GPHN: variants seen among roughly 807,000 people sequenced by gnomAD.
GPHN encodes the protein gephyrin.
A neutral mutation model predicts 95.5 loss-of-function variants in GPHN; 17 were observed. The ratio of observed to expected loss-of-function variants is 0.18; its 90% CI spans 0.12 to 0.27. The LOEUF is 0.27. Ranked by LOEUF, GPHN falls within the 10% of genes least tolerant of loss-of-function variation. GPHN has a pLI of 1.00. For synonymous variants in GPHN, 320 were observed against 322.5 expected, an observed-to-expected ratio of 0.99 and a Z score of 0.08; for missense variants, 660 against 978.1, an observed-to-expected ratio of 0.67 and a Z score of 4.34.
chr14:67,682,922 A>G, the GPHN span, among the ~76,000 whole-genome samples: 5 of 152,268 alleles, frequency 3.3e-5, no homozygotes, highest in Non-Finnish European at 7.3e-5. Flanking sequence ...GTACTGACAC[A>G]TGCTTTAGCA....
chr14:67,084,121 A>G lies in GPHN; in HGVS notation c.1145-4862A>G, dbSNP rs971675310. On this transcript the variant is annotated intron_variant, in intron 11 of 22. Coordinates refer to ENST00000478722, the MANE Select transcript of GPHN (RefSeq NM_020806.5). ...AGTCAAGACAATTTCACAAACAGCC[A>G]CAATACAATATGAAAAGTGTGCAAA... 8.5e-5 allele frequency among the ~76,000 whole-genome samples: 13 copies of G among 152,234 alleles called. 1 individual carries two copies. The highest frequency in any genetic ancestry group is 1.5e-5 in the Non-Finnish European group (1 of 68,042).
the GPHN span, among the ~76,000 whole-genome samples, chr14:67,653,086 G>A: frequency 1.3e-5 from 2 of 152,204 alleles, no homozygotes; most frequent in East Asian, 3.8e-4. Flanking sequence ...ACCGCACGGG[G>A]CTGAGATTAT....
At chr14:67,558,742 A>G in the GPHN span, among the ~76,000 whole-genome samples, 5 of 152,242 alleles carry the variant, frequency 3.3e-5, no homozygotes, top group African/African-American at 1.2e-4. Context: ...TTGCCACAGA[A>G]GCACAAAGAC....
rs182444942 is a variant in GPHN, at chr14:66,531,816, T to C, written c.64+23225T>C. On this transcript the variant is annotated intron_variant, in intron 1 of 22. Transcript: ENST00000478722. ...GTTCACATTTTAAGGTATTTTTATA[T>C]TGAAACCCTTGCCAAGTACTGTATG... 4.6e-5 allele frequency among the ~76,000 whole-genome samples: 7 copies of C among 152,356 alleles called. No homozygotes were observed. In the East Asian group the frequency reaches 1.3e-3, roughly 29 times the overall value.
At chr14:67,552,001 T>C in the GPHN span, among the ~76,000 whole-genome samples, 2 of 152,138 alleles carry the variant, frequency 1.3e-5, no homozygotes, top group African/African-American at 2.4e-5. Context: ...GAGTCCCAGG[T>C]GCTCCTGCCA....
chr14:67,012,704 T>C (rs1195349950), intron 9 of GPHN, among the ~76,000 whole-genome samples: 1 of 152,186 alleles, frequency 6.6e-6, no homozygotes, highest in East Asian at 1.9e-4. Flanking sequence ...CATTAGCTTA[T>C]TTTAGTCTCA....
intron 2 of GPHN, among the ~76,000 whole-genome samples, chr14:66,749,760 G>T (rs548717269): frequency 6.6e-6 from 1 of 151,134 alleles, no homozygotes; most frequent in East Asian, 1.9e-4. Context: ...TATCAGATTT[G>T]CCATTTGAAA....
chr14:66,818,489 A>C (rs1460126859), intron 3 of GPHN, among the ~76,000 whole-genome samples: 1 of 152,128 alleles, frequency 6.6e-6, no homozygotes, highest in African/African-American at 2.4e-5. Flanking sequence ...CATTTTCTTT[A>C]TTCAGTCTGT....
intron 12 of GPHN, 32 bp downstream of exon 12, chr14:67,089,107 G>A (rs1017057649): frequency 9.7e-6 from 8 of 821,500 alleles, no homozygotes; most frequent in Middle Eastern, 2.4e-4. Context: ...AACATAATCA[G>A]GCACTGTATT....
intron 4 of GPHN, among the ~76,000 whole-genome samples, chr14:66,834,924 A>G (rs1281774981): frequency 2.1e-5 from 3 of 141,538 alleles, no homozygotes; most frequent in Admixed American, 1.4e-4. Context: ...TTATTGCCAC[A>G]ATTTCAGATC....
intron 12 of GPHN, among the ~76,000 whole-genome samples, chr14:67,094,569 C>G (rs1166856406): frequency 6.6e-6 from 1 of 151,964 alleles, no homozygotes; most frequent in Non-Finnish European, 1.5e-5. Context: ...TTTTTTCTTT[C>G]CAAGCTCTAG....
intron 2 of GPHN, among the ~76,000 whole-genome samples, chr14:66,764,123 T>C (rs1254570159): frequency 6.6e-6 from 1 of 152,188 alleles, no homozygotes; most frequent in Non-Finnish European, 1.5e-5. Flanking sequence ...ATAAATGTAA[T>C]GCATTTGAAT....
At chr14:67,032,276 C>T (rs968664181) in intron 10 of GPHN, among the ~76,000 whole-genome samples, 2 of 152,188 alleles carry the variant, frequency 1.3e-5, no homozygotes. Flanking sequence ...GGAACTACCA[C>T]AGTTTGAATG....
intron 3 of GPHN, among the ~76,000 whole-genome samples, chr14:66,817,662 T>C (rs1363631763): frequency 1.3e-5 from 2 of 152,170 alleles, no homozygotes; most frequent in Non-Finnish European, 2.9e-5. Flanking sequence ...TAATGTCACC[T>C]CAGTTGGGTC....
At chr14:67,531,805 G>A in the GPHN span, among the ~76,000 whole-genome samples, 2 of 146,898 alleles carry the variant, frequency 1.4e-5, no homozygotes, top group African/African-American at 2.5e-5. Flanking sequence ...CTGTTCATGA[G>A]GCTGAGATGG....
chr14:67,421,537 C>T, the GPHN span, among the ~76,000 whole-genome samples: 1 of 152,034 alleles, frequency 6.6e-6, no homozygotes. Context: ...CCTCAATGGA[C>T]AAAAAGAAAA....
At chr14:66,535,607 A>G (rs998272356) in intron 1 of GPHN, among the ~76,000 whole-genome samples, 9 of 152,116 alleles carry the variant, frequency 5.9e-5, no homozygotes, top group African/African-American at 1.7e-4. Flanking sequence ...TGGATTATCT[A>G]TCCATTTACT....
At chr14:67,398,689 T>C in the GPHN span, among the ~76,000 whole-genome samples, 1 of 152,144 alleles carries the variant, frequency 6.6e-6, no homozygotes, top group Admixed American at 6.6e-5. Flanking sequence ...CCCGAGTGGC[T>C]GGGACTACAA....
At chr14:67,653,617 GC>G in the GPHN span, 1 of 870,394 alleles carries the variant, frequency 1.1e-6, no homozygotes, top group African/African-American at 1.7e-5. Context: ...AAGAAATCAA[GC>G]CAATTTAAAT....
Sources: allele counts gnomAD v4.1 joint callset (sites outside exome capture counted in the v4.1 genomes callset), GRCh38; gene constraint gnomAD v4.1.1; transcripts MANE v1.5; gene names NCBI Gene and HGNC (gene_info 2026-07-23, HGNC 2026-07-21).